Variants in POTEH observed in about 807,000 individuals in gnomAD.
POTEH encodes the protein ANKRD26-like family C member 3.
In POTEH, 6 loss-of-function variants were observed where a neutral mutation model predicts 41.7. The observed-to-expected ratio is 0.14, with a 90% confidence interval of 0.08 to 0.28. POTEH has a LOEUF of 0.28. Ranked by LOEUF, POTEH falls within the 10% of genes least tolerant of loss-of-function variation. POTEH has a pLI of 1.00. For synonymous variants in POTEH, 38 were observed against 179.9 expected (o/e 0.21, Z 6.31); for missense variants, 115 against 533.5 (o/e 0.22, Z 7.73).
intron 9 of POTEH, among the ~76,000 whole-genome samples, chr22:15,713,815 T>C (rs1394537858): frequency 1.1e-4 from 16 of 152,372 alleles, no homozygotes; most frequent in African/African-American, 3.1e-4. Flanking sequence ...TGACTTTTTC[T>C]ACTGTATATA....
intron 9 of POTEH, among the ~76,000 whole-genome samples, chr22:15,717,460 T>G (rs1372976906): frequency 1.1e-5 from 1 of 91,438 alleles, no homozygotes; most frequent in African/African-American, 3.4e-5. Context: ...CCAACATCTG[T>G]TTTTTTTTGT....
intron 9 of POTEH, among the ~76,000 whole-genome samples, 170 bp downstream of exon 9, chr22:15,711,204 A>C (rs1989815378): frequency 6.6e-6 from 1 of 152,090 alleles, no homozygotes; most frequent in Non-Finnish European, 1.5e-5. Flanking sequence ...TTATTTGAAA[A>C]ATAGCCAGTA....
chr22:15,690,121 A>C lies in POTEH; in HGVS notation c.44A>C (p.Lys15Thr), dbSNP rs1310546920. The change falls in exon 1 of 11, where the codon AAG (lysine) becomes ACG (threonine). Residue 15 changes from lysine (K) to threonine (T), a missense_variant. Coordinates refer to ENST00000343518, the MANE Select transcript of POTEH (RefSeq NM_001136213.1). ...AGSMPAASSV[K>T]KPFGLRSKMG... ...TCAATGCCGGCTGCCTCCTCTGTGA[A>C]GAAGCCATTTGGTCTCAGAAGCAAG... is the stretch of plus-strand genomic sequence containing the variant. 5 of 1,407,968 alleles carry C rather than the reference A, an allele frequency of 3.6e-6. No homozygotes were observed. The highest frequency in any genetic ancestry group is 3.9e-5 in the Admixed American group (2 of 51,094). The allele number at this position is 1,407,968 out of a possible 1,614,324, so 87.2% of individuals were successfully genotyped here.
intron 1 of POTEH, among the ~76,000 whole-genome samples, chr22:15,693,388 GCTAT>G (rs1989375564): frequency 6.6e-6 from 1 of 151,376 alleles, no homozygotes; most frequent in African/African-American, 2.5e-5. Context: ...TCTGTGGTTG[GCTAT>G]CTACTGTGAA....
intron 9 of POTEH, among the ~76,000 whole-genome samples, chr22:15,713,760 G>C (rs1451254080): frequency 6.6e-6 from 1 of 152,304 alleles, no homozygotes; most frequent in Non-Finnish European, 1.5e-5. Flanking sequence ...TTGGCCTCAC[G>C]AAGTGTTGGG....
rs372896187 is a variant in POTEH at position 15,690,524 on chromosome 22, C to A, written c.447C>A (p.Ser149Arg). 1.4e-6 allele frequency: 2 copies of A among 1,414,044 alleles called. No homozygotes were observed. The highest frequency in any genetic ancestry group is 1.5e-5 in the African/African-American group (1 of 66,044). 87.6% of individuals were successfully genotyped at this position (1,414,044 alleles called of 1,614,324 possible). The part of the protein sequence containing the change: ...CCHCFPCCRG[S>R]GKNKVGPWGD... Reference sequence around the variant, plus strand: ...ACTGCTTCCCCTGCTGCAGGGGGAGCGGCAAGAACAAAGTGGGCCCTTGGG... The same window carrying A: ...ACTGCTTCCCCTGCTGCAGGGGGAGAGGCAAGAACAAAGTGGGCCCTTGGG... The change falls in exon 1 of 11, where the codon AGC (serine) becomes AGA (arginine). Residue 149 changes from serine to arginine, a missense_variant. Transcript: ENST00000343518.
At chr22:15,701,938 AACATCC>A (rs1989573445) in intron 5 of POTEH, among the ~76,000 whole-genome samples, 7 of 69,118 alleles carry the variant, frequency 1.0e-4, no homozygotes, top group African/African-American at 3.6e-4. Context: ...ACCAGGTCTT[AACATCC>A]ATTGGTTTTT....
At chr22:15,694,729 CAAT>C (rs1989406596) in intron 1 of POTEH, among the ~76,000 whole-genome samples, 2 of 133,248 alleles carry the variant, frequency 1.5e-5, no homozygotes, top group African/African-American at 2.7e-5. Context: ...TTTTATGTCT[CAAT>C]AAGAGAATTA....
At chr22:15,712,952 A>G (rs919719896) in intron 9 of POTEH, among the ~76,000 whole-genome samples, 4 of 150,244 alleles carry the variant, frequency 2.7e-5, no homozygotes, top group Non-Finnish European at 5.9e-5. Context: ...TTGGTCTGGC[A>G]TTTAATGCCA....
At chr22:15,700,394 AC>A (rs1989550948) in intron 5 of POTEH, 179 bp downstream of exon 5, 1 of 197,574 alleles carries the variant, frequency 5.1e-6, no homozygotes, top group Admixed American at 7.8e-5. Context: ...AGTTAGAAGT[AC>A]CAGTGGGTGC....
At position 15,691,474 on chromosome 22, in the gene POTEH, C is replaced by T. The variant is rs573809132; in HGVS notation, c.632+765C>T. On this transcript the variant is annotated intron_variant, in intron 1 of 10. Coordinates refer to ENST00000343518, the MANE Select transcript of POTEH (RefSeq NM_001136213.1). ...CTGGGAGGCGGAGCTTGCAGTGAGC[C>T]GAGATCACGCCACTGTAGTAGAGCC... Among the ~76,000 whole-genome samples the T allele has an allele frequency of 1.2e-4, 14 of 117,834 alleles. 1 individual carries two copies. Among genetic ancestry groups the T allele is most frequent in the African/African-American group, 4.3e-4 (14 of 32,548 alleles). 77.3% of individuals were successfully genotyped at this position (117,834 alleles called of 152,430 possible).
At chr22:15,714,627 C>T (rs1257246658) in intron 9 of POTEH, among the ~76,000 whole-genome samples, 2 of 151,634 alleles carry the variant, frequency 1.3e-5, no homozygotes, top group Non-Finnish European at 2.9e-5. Flanking sequence ...CAGTTTTTTA[C>T]TTAAAATCCC....
chr22:15,711,124 C>CA, intron 9 of POTEH, 90 bp downstream of exon 9: 2 of 1,572,212 alleles, frequency 1.3e-6, no homozygotes, highest in Non-Finnish European at 1.7e-6. Flanking sequence ...CTAGGATATT[C>CA]AGCCTTGCCT....
rs762123474 is a variant in POTEH, at chr22:15,708,137, T to A, written c.1308+47T>A. 9 of 535,258 alleles carry A rather than the reference T, an allele frequency of 1.7e-5. 2 individuals are homozygous for A. In the Middle Eastern group the frequency reaches 3.2e-3, roughly 193 times the overall value. 33.2% of individuals were successfully genotyped at this position (535,258 alleles called of 1,614,324 possible). Reference sequence around the variant, plus strand: ...AACTTTTGGTTTAACGTTTTTTATTTTTTTTTTTTTTGCTTTAATAATATT... The same window carrying A: ...AACTTTTGGTTTAACGTTTTTTATTATTTTTTTTTTTGCTTTAATAATATT... On this transcript the variant is annotated intron_variant, in intron 7 of 10. Transcript: ENST00000343518.
intron 6 of POTEH, among the ~76,000 whole-genome samples, chr22:15,705,353 C>CTT (rs377062560): frequency 0.023 from 320 of 14,152 alleles, 1 homozygote; most frequent in African/African-American, 0.055. Context: ...ATATGTTGGC[C>CTT]TTTTTTTTTT....
chr22:15,692,533 A>G (rs1185481385), intron 1 of POTEH, among the ~76,000 whole-genome samples: 5 of 134,106 alleles, frequency 3.7e-5, no homozygotes, highest in African/African-American at 1.3e-4. Context: ...AGGCAGGTGG[A>G]TCATGAAGTC....
intron 4 of POTEH, chr22:15,699,307 G>C (rs1989511858): frequency 5.7e-6 from 1 of 175,078 alleles, no homozygotes; most frequent in Non-Finnish European, 1.2e-5. Flanking sequence ...TTTATTTCCA[G>C]TGTATTTTGA....
chr22:15,711,351 A>G (rs1260538893), intron 9 of POTEH, among the ~76,000 whole-genome samples: 3 of 152,056 alleles, frequency 2.0e-5, no homozygotes, highest in Non-Finnish European at 2.9e-5. Context: ...CATCAGCCAC[A>G]TAATAAGCAA....
intron 1 of POTEH, among the ~76,000 whole-genome samples, chr22:15,693,463 T>C (rs1400289974): frequency 6.6e-6 from 1 of 152,262 alleles, no homozygotes; most frequent in Admixed American, 6.5e-5. Context: ...TTTTATTGTA[T>C]ATAGATTTTA....
Sources: gnomAD v4.1 joint callset for allele counts (sites outside exome capture counted in the v4.1 genomes callset) on GRCh38, gnomAD v4.1.1 for gene constraint, MANE v1.5 for transcripts, NCBI Gene and HGNC (gene_info 2026-07-23, HGNC 2026-07-21) for gene names.